Variants in WNT9B observed in about 807,000 individuals in gnomAD.
The protein encoded by WNT9B is protein Wnt-9b.
In WNT9B, 12 loss-of-function variants were observed where a neutral mutation model predicts 30.2. That is an observed-to-expected ratio of 0.40 (90% CI 0.26 to 0.64). The LOEUF (loss-of-function observed/expected upper bound fraction) is 0.64. Ranked by LOEUF, WNT9B falls within the 30% of genes least tolerant of loss-of-function variation. The probability of loss-of-function intolerance (pLI) is 0.42; values close to 1 mark genes in which losing one functional copy is unlikely to be tolerated. For synonymous variants in WNT9B, 218 were observed against 216.9 expected (o/e 1.01, Z -0.05); for missense variants, 442 against 485.2 (o/e 0.91, Z 0.84).
intron 1 of WNT9B, among the ~76,000 whole-genome samples, chr17:46,836,778 C>T (rs1349741869): frequency 6.6e-6 from 1 of 152,136 alleles, no homozygotes; most frequent in Non-Finnish European, 1.5e-5. Flanking sequence ...ACCAGGTGAC[C>T]TGTGTCCTGT....
intron 1 of WNT9B, among the ~76,000 whole-genome samples, chr17:46,843,414 T>C (rs529691079): frequency 6.6e-6 from 1 of 152,318 alleles, no homozygotes. Context: ...ATTCCATTCG[T>C]TAAAGTGAAG....
chr17:46,843,712 T>G (rs2084741755), intron 1 of WNT9B, among the ~76,000 whole-genome samples: 1 of 152,238 alleles, frequency 6.6e-6, no homozygotes, highest in African/African-American at 2.4e-5. Context: ...CTGTGAGCAT[T>G]AAATGGGTTA....
At chr17:46,883,984 C>A (rs988116793), downstream of WNT9B, among the ~76,000 whole-genome samples, 6 of 152,190 alleles carry the variant, frequency 3.9e-5, no homozygotes, top group African/African-American at 1.4e-4. Context: ...GGGAGCTGAG[C>A]CCCTACCCCT....
rs1336547652 is a variant in WNT9B, at chr17:46,876,941, CCCCAA to C, written c.*226_*230del. ...AAGCCTCCTCCCTTAACCCAAGCAT[CCCCAA>C]CCTTGTTGAGGACTTGGAGAGGAGG... On this transcript the variant is annotated 3_prime_UTR_variant, in exon 4 of 4. Transcript: ENST00000290015. The C allele has an allele frequency of 7.6e-7, 1 of 1,320,850 alleles. No individual in the cohort carries two copies. The highest frequency in any genetic ancestry group is 9.6e-7 in the Non-Finnish European group (1 of 1,038,634). The allele number at this position is 1,320,850 out of a possible 1,614,324, so 81.8% of individuals were successfully genotyped here.
At chr17:46,880,889 A>C (rs1157800519), downstream of WNT9B, among the ~76,000 whole-genome samples, 1 of 152,202 alleles carries the variant, frequency 6.6e-6, no homozygotes, top group African/African-American at 2.4e-5. Context: ...GCATTTCTGG[A>C]GCCCTCATGC....
At chr17:46,842,999 T>C (rs1020079179) in intron 1 of WNT9B, among the ~76,000 whole-genome samples, 10 of 152,236 alleles carry the variant, frequency 6.6e-5, no homozygotes, top group African/African-American at 2.2e-4. Context: ...GTTCTCTCCA[T>C]GCAACCTCAG....
rs551735795 is a variant in WNT9B, at chr17:46,833,392, T to C, written c.47T>C (p.Leu16Pro). 34 of 518,410 alleles carry C rather than the reference T, an allele frequency of 6.6e-5. No homozygotes were observed. The Middle Eastern group carries it at 9.5e-4, about 15-fold the overall frequency. The allele number at this position is 518,410 out of a possible 1,614,324, so 32.1% of individuals were successfully genotyped here. Residue 16 changes from leucine to proline, a missense_variant, in exon 1 of 3, where the codon CTG becomes CCG. Coordinates refer to the WNT9B transcript ENST00000575372. ...TTTGATCCTCTGGCATGCCAAGGCC[T>C]GAATGCCAGTCCTGGGAGCCTTACC...
chr17:46,864,160 A>C (rs2085093073), intron 1 of WNT9B, among the ~76,000 whole-genome samples: 1 of 152,166 alleles, frequency 6.6e-6, no homozygotes, highest in Non-Finnish European at 1.5e-5. Context: ...TGCATTCAAG[A>C]ACCTGTCAAG....
chr17:46,875,994 G>A (rs531128932), intron 3 of WNT9B, among the ~76,000 whole-genome samples: 3 of 151,774 alleles, frequency 2.0e-5, no homozygotes, highest in Admixed American at 1.3e-4. Flanking sequence ...GCTGTGTTCA[G>A]TCACTGAGTT....
At chr17:46,857,965 T>C (rs996708035) in intron 1 of WNT9B, among the ~76,000 whole-genome samples, 2 of 152,212 alleles carry the variant, frequency 1.3e-5, no homozygotes, top group African/African-American at 4.8e-5. Context: ...AGTCTCACTC[T>C]GTATCCCAGG....
intron 1 of WNT9B, among the ~76,000 whole-genome samples, chr17:46,856,630 T>G (rs1798031493): frequency 6.6e-6 from 1 of 151,954 alleles, no homozygotes; most frequent in Non-Finnish European, 1.5e-5. Context: ...ATGACAAGTG[T>G]GCGCCACCAT....
At chr17:46,845,512 CAG>C (rs1426790147) in intron 1 of WNT9B, among the ~76,000 whole-genome samples, 4 of 125,368 alleles carry the variant, frequency 3.2e-5, no homozygotes, top group African/African-American at 9.2e-5. Flanking sequence ...TTTTTTGAGA[CAG>C]AGTCTTGCTC....
intron 1 of WNT9B, among the ~76,000 whole-genome samples, chr17:46,864,189 C>T (rs566040083): frequency 1.3e-5 from 2 of 152,280 alleles, no homozygotes; most frequent in African/African-American, 4.8e-5. Flanking sequence ...TTGGTCAATG[C>T]GTCATGGTTA....
chr17:46,868,413 G>A (rs372606744), intron 1 of WNT9B, among the ~76,000 whole-genome samples: 1 of 151,828 alleles, frequency 6.6e-6, no homozygotes, highest in African/African-American at 2.4e-5. Flanking sequence ...CCAACATGGC[G>A]AAACCCCATC....
At chr17:46,873,000 A>C (rs1339105392) in intron 2 of WNT9B, among the ~76,000 whole-genome samples, 1 of 151,966 alleles carries the variant, frequency 6.6e-6, no homozygotes, top group Non-Finnish European at 1.5e-5. Flanking sequence ...GGAGCAAGGA[A>C]GATCCAAGAG....
chr17:46,836,985 C>G (rs1385042680), intron 1 of WNT9B, among the ~76,000 whole-genome samples: 1 of 152,120 alleles, frequency 6.6e-6, no homozygotes, highest in Non-Finnish European at 1.5e-5. Context: ...CTCTGTCGCC[C>G]AGGCTGTAGT....
chr17:46,874,491 G>C (rs1346067998), intron 2 of WNT9B, among the ~76,000 whole-genome samples: 2 of 152,188 alleles, frequency 1.3e-5, no homozygotes, highest in Non-Finnish European at 2.9e-5. Flanking sequence ...AGAGGTGAAG[G>C]CCGTAGCCCC....
In WNT9B at chr17:46,878,861, C is replaced by T. The variant is rs115387434; in HGVS notation, c.*2143C>T. Reference sequence around the variant, plus strand: ...GGCAGTGGCTGGCTGCTAACATGGACACCCCAAGTCAATGGCACAGTGCAG... The same window carrying T: ...GGCAGTGGCTGGCTGCTAACATGGATACCCCAAGTCAATGGCACAGTGCAG... On this transcript the variant is annotated 3_prime_UTR_variant, in exon 4 of 4. Coordinates refer to ENST00000290015, the MANE Select transcript of WNT9B (RefSeq NM_003396.3). Among the ~76,000 whole-genome samples the T allele has an allele frequency of 0.017, 2,523 of 152,330 alleles. 60 individuals carry two copies. The highest frequency in any genetic ancestry group is 0.052 in the African/African-American group (2,180 of 41,570).
chr17:46,872,218 G>A (rs1010810602), intron 1 of WNT9B, among the ~76,000 whole-genome samples: 4 of 152,218 alleles, frequency 2.6e-5, no homozygotes, highest in African/African-American at 9.6e-5. Flanking sequence ...TCCTGGGAAA[G>A]CGTATTTTTA....
Sources: allele counts gnomAD v4.1 joint callset (sites outside exome capture counted in the v4.1 genomes callset), GRCh38; gene constraint gnomAD v4.1.1; transcripts MANE v1.5; gene names NCBI Gene and HGNC (gene_info 2026-07-23, HGNC 2026-07-21).